The following KDM6B variants were observed in gnomAD, a reference collection of about 807,000 sequenced individuals.
KDM6B encodes the protein lysine-specific demethylase 6B.
In KDM6B, 22 loss-of-function variants were observed where a neutral mutation model predicts 150.4. The observed-to-expected ratio is 0.15, with a 90% CI of 0.10 to 0.21. The LOEUF (loss-of-function observed/expected upper bound fraction) is 0.21. Among genes scored for constraint, KDM6B ranks in the 10% least tolerant of loss-of-function variants. The pLI, the probability that KDM6B is intolerant of heterozygous loss-of-function variation, is 1.00. For synonymous variants in KDM6B, 1,148 were observed against 921.1 expected, an observed-to-expected ratio of 1.25 and a Z score of -4.46; for missense variants, 1,984 against 2,234.3, an observed-to-expected ratio of 0.89 and a Z score of 2.26.
rs1567805167 is a variant in KDM6B, at chr17:7,853,388, C to T, written c.4908+8C>T. On this transcript the variant is annotated splice_region_variant and intron_variant, in intron 23 of 23. Transcript: ENST00000448097. The stretch of plus-strand genomic sequence containing the variant: ...TACGACGCCTTCACGCTGGTGAGGG[C>T]CCGGCGGGCGCGCGGGCAGCGGAGG... 3 of 1,541,272 alleles carry T rather than the reference C, an allele frequency of 1.9e-6. No homozygotes were observed. Among genetic ancestry groups the T allele is most frequent in the Non-Finnish European group, 2.6e-6 (3 of 1,147,984 alleles).
rs1460508458 is a variant in KDM6B at position 7,845,012 on chromosome 17, G to T, written c.-157G>T. The T allele has an allele frequency of 1.0e-5, 2 of 200,882 alleles. No individual in the cohort carries two copies. Among genetic ancestry groups the T allele is most frequent in the South Asian group, 1.5e-4 (2 of 13,678 alleles). The allele number at this position is 200,882 out of a possible 1,614,324, so 12.4% of individuals were successfully genotyped here. On this transcript the variant is annotated 5_prime_UTR_variant, in exon 3 of 24. Coordinates refer to ENST00000448097, the MANE Select transcript of KDM6B (RefSeq NM_001348716.2). ...CGACGCGGTGTGAGGACGCTCCCAC[G>T]GAGGCCGGGTAAGCGGCCGCTGCGT...
rs2078610262 is a variant in KDM6B at position 7,848,391 on chromosome 17, G to A, written c.2103G>A (p.Met701Ile). The change falls in exon 12 of 24, where the codon ATG becomes ATA. Residue 701 changes from methionine to isoleucine, a missense_variant. Met to Ile is a conservative substitution (Grantham distance 10). Transcript: ENST00000448097. ...LPDGLANIMK[M>I]LDESIRKEEE... ...ATGGGCTGGCCAACATCATGAAGAT[G>A]CTGGACGAATCCATTCGCAAGGAAG... The A allele has an allele frequency of 6.2e-7, 1 of 1,612,920 alleles. No individual in the cohort carries two copies. The highest frequency in any genetic ancestry group is 8.5e-7 in the Non-Finnish European group (1 of 1,180,012).
chr17:7,851,807 C>A lies in KDM6B; in HGVS notation c.4165+11C>A, dbSNP rs367997748. 16 of 1,555,682 alleles carry A rather than the reference C, an allele frequency of 1.0e-5. No homozygotes were observed. The African/African-American group carries it at 1.6e-4, about 16-fold the overall frequency. On this transcript the variant is annotated intron_variant, in intron 18 of 23. Transcript: ENST00000448097. The stretch of plus-strand genomic sequence containing the variant: ...GCAGCCGAACGCCAGGTGCGCTCCA[C>A]GCCTGTGCGCGCTGATGCTGGAAGC...
chr17:7,835,145 C>T (rs2078307693), intron 1 of KDM6B, among the ~76,000 whole-genome samples: 1 of 152,126 alleles, frequency 6.6e-6, no homozygotes, highest in South Asian at 2.1e-4. Context: ...TGGGCCCCCT[C>T]ACAGGAAATT....
At chr17:7,837,813 T>C (rs963987745) in intron 1 of KDM6B, among the ~76,000 whole-genome samples, 1 of 152,166 alleles carries the variant, frequency 6.6e-6, no homozygotes, top group African/African-American at 2.4e-5. Context: ...ATGGTGTTAG[T>C]TACTAGTTTA....
At chr17:7,835,035 C>G (rs1362982544) in intron 1 of KDM6B, among the ~76,000 whole-genome samples, 3 of 152,022 alleles carry the variant, frequency 2.0e-5, no homozygotes, top group Non-Finnish European at 4.4e-5. Context: ...GCGAGACGCA[C>G]CCAGGGCAGG....
intron 6 of KDM6B, 50 bp downstream of exon 6, chr17:7,846,020 T>C (rs768758218): frequency 6.3e-7 from 1 of 1,599,924 alleles, no homozygotes; most frequent in Non-Finnish European, 8.5e-7. Context: ...GCTGGGGCCT[T>C]GAAAGAGTCC....
rs1197395502 is a variant in KDM6B at position 7,845,420 on chromosome 17, C to G, written c.-42C>G. ...CAGAGAGCTGGGGCAGGGGGCCGTG[C>G]CCAATCTCCAGGGCTCCTGGGGCCA... On this transcript the variant is annotated 5_prime_UTR_variant, in exon 4 of 24. Transcript: ENST00000448097. The G allele has an allele frequency of 1.8e-6, 2 of 1,128,478 alleles. No homozygotes were observed. The highest frequency in any genetic ancestry group is 2.7e-6 in the Non-Finnish European group (2 of 741,800). The allele number at this position is 1,128,478 out of a possible 1,614,324, so 69.9% of individuals were successfully genotyped here. A position where few individuals can be genotyped will look rare whatever the true frequency, so the allele number is the denominator to read the frequency against.
Position 7,851,073 on chromosome 17 carries a change from C to T in KDM6B, c.3726C>T (p.Thr1242=), listed in dbSNP as rs775917300. ...KTLVEASGEH[T]VEVRTQVQQP... ...TGGTGGAAGCGAGTGGCGAACACAC[C>T]GTGGAAGTTCGCACCCAGGTGCAGC... The change falls in exon 15 of 24, where the codon ACC becomes ACT. Residue 1242 remains threonine (T), a synonymous_variant. Coordinates refer to ENST00000448097, the MANE Select transcript of KDM6B (RefSeq NM_001348716.2). 47 of 1,613,220 alleles carry T rather than the reference C, an allele frequency of 2.9e-5. No individual in the cohort carries two copies. The highest frequency in any genetic ancestry group is 1.6e-4 in the Middle Eastern group (1 of 6,084).
rs772432064 is a variant in KDM6B, at chr17:7,848,119, C to G, written c.1831C>G (p.Pro611Ala). The G allele has an allele frequency of 6.2e-7, 1 of 1,613,080 alleles. No individual in the cohort carries two copies. Among genetic ancestry groups the G allele is most frequent in the East Asian group, 2.2e-5 (1 of 44,830 alleles). Residue 611 changes from proline (P) to alanine (A), a missense_variant, in exon 12 of 24, where the codon CCT becomes GCT. Transcript: ENST00000448097. ...PLTLALPPAP[P>A]SSCHQNTSGS... Reference sequence around the variant, plus strand: ...GACTCTTGCCCTGCCTCCAGCCCCTCCTTCCTCCTGCCACCAAAATACCTC... The same window carrying G: ...GACTCTTGCCCTGCCTCCAGCCCCTGCTTCCTCCTGCCACCAAAATACCTC...
At position 7,846,903 on chromosome 17, in the gene KDM6B, C is replaced by T; in HGVS notation, c.796C>T (p.Pro266Ser). The T allele has an allele frequency of 6.2e-7, 1 of 1,605,136 alleles. No homozygotes were observed. Among genetic ancestry groups the T allele is most frequent in the Non-Finnish European group, 8.5e-7 (1 of 1,178,348 alleles). Residue 266 changes from proline to serine, a missense_variant, in exon 10 of 24, where the codon CCT becomes TCT. Pro to Ser is a moderately conservative substitution (Grantham distance 74). Around this residue, in one of 13 missense-constraint regions of KDM6B, gnomAD observed 1,379 missense variants for 1,275.6 expected, o/e 1.08. Transcript: ENST00000448097. ...PPPPPPPPPL[P>S]GLATSPPFQL... Reference sequence around the variant, plus strand: ...ACCACCACCACCACCACCACCCCTGCCTGGCCTGGCTACCAGCCCCCCATT... The same window carrying T: ...ACCACCACCACCACCACCACCCCTGTCTGGCCTGGCTACCAGCCCCCCATT...
At chr17:7,850,266 A>G (rs2078664927) in intron 14 of KDM6B, 89 bp downstream of exon 14, 2 of 1,086,504 alleles carry the variant, frequency 1.8e-6, no homozygotes, top group East Asian at 2.6e-5. Context: ...TTGAAGACTC[A>G]TGACAGTGGC....
Position 7,844,961 on chromosome 17 carries a change from T to C in KDM6B, c.-208T>C, listed in dbSNP as rs1342545025. 5.8e-6 allele frequency: 1 copy of C among 172,708 alleles called. No homozygotes were observed. Among genetic ancestry groups the C allele is most frequent in the Non-Finnish European group, 1.3e-5 (1 of 77,770 alleles). 10.7% of individuals were successfully genotyped at this position (172,708 alleles called of 1,614,324 possible). A position where few individuals can be genotyped will look rare whatever the true frequency, so the allele number is the denominator to read the frequency against. On this transcript the variant is annotated 5_prime_UTR_variant, in exon 3 of 24. An upstream open reading frame in the 5' UTR loses its in-frame stop. Coordinates refer to ENST00000448097, the MANE Select transcript of KDM6B (RefSeq NM_001348716.2). The surrounding 1 kb of genome is among the most constrained non-coding windows in gnomAD (Gnocchi z 5.9). ...CTTTCTGGGGAGAGAGGAAGTCCTG[T>C]GATTGGCCAGATCTCTGGAGCTTGC...
At position 7,847,171 on chromosome 17, in the gene KDM6B, G is replaced by A; in HGVS notation, c.976G>A (p.Gly326Ser). 6.2e-7 allele frequency: 1 copy of A among 1,605,318 alleles called. No individual in the cohort carries two copies. Among genetic ancestry groups the A allele is most frequent in the Non-Finnish European group, 8.5e-7 (1 of 1,179,520 alleles). Residue 326 changes from glycine to serine, a missense_variant, in exon 11 of 24, where the codon GGC becomes AGC. Around this residue, in one of 13 missense-constraint regions of KDM6B, gnomAD observed 1,379 missense variants for 1,275.6 expected, o/e 1.08. Coordinates refer to ENST00000448097, the MANE Select transcript of KDM6B (RefSeq NM_001348716.2). ...PAPAYTAHPP[G>S]HRLVPAAPPG... ...TCCAGCGTACACCGCGCACCCCCCT[G>A]GCCACCGGCTGGTCCCGGCTGCTCC...
Position 7,848,815 on chromosome 17 carries a change from T to A in KDM6B, c.2527T>A (p.Ser843Thr), listed in dbSNP as rs1030869292. ...CACTCAGTATTCCCCTGGCCCCCCA[T>A]CAGGTGCTACCGCCCTGCCGCCCAC... ...PTTQYSPGPP[S>T]GATALPPTSA... The change falls in exon 12 of 24, where the codon TCA (serine) becomes ACA (threonine). Residue 843 changes from serine to threonine, a missense_variant. Transcript: ENST00000448097. The A allele has an allele frequency of 1.2e-5, 20 of 1,612,318 alleles. No individual in the cohort carries two copies. The highest frequency in any genetic ancestry group is 1.7e-5 in the Non-Finnish European group (20 of 1,179,904).
In KDM6B at chr17:7,851,348, G is replaced by A; in HGVS notation, c.3898G>A (p.Asp1300Asn). The change falls in exon 16 of 24, where the codon GAT becomes AAT. Residue 1300 changes from aspartate (D) to asparagine (N), a missense_variant. By Grantham distance (23) the Asp-to-Asn change is conservative. Transcript: ENST00000448097. Reference protein sequence around the residue: ...ESLQEEKESEDEESEEPDSTT... With the variant: ...ESLQEEKESENEESEEPDSTT... ...TGAACAGGAGGAGAAGGAGAGTGAGGATGAGGAGTCAGAGGAGCCAGACAG... is the reference window on the plus strand; with the variant it reads ...TGAACAGGAGGAGAAGGAGAGTGAGAATGAGGAGTCAGAGGAGCCAGACAG... 1 of 1,614,168 alleles carries A rather than the reference G, an allele frequency of 6.2e-7. No homozygotes were observed. Among genetic ancestry groups the A allele is most frequent in the Non-Finnish European group, 8.5e-7 (1 of 1,180,030 alleles).
chr17:7,846,737 A>G lies in KDM6B; in HGVS notation c.708A>G (p.Glu236=). 1.2e-6 allele frequency: 2 copies of G among 1,614,040 alleles called. No homozygotes were observed. The highest frequency in any genetic ancestry group is 1.7e-6 in the Non-Finnish European group (2 of 1,179,966). The change falls in exon 9 of 24, where the codon GAA becomes GAG. Residue 236 remains glutamate, a synonymous_variant. Coordinates refer to ENST00000448097, the MANE Select transcript of KDM6B (RefSeq NM_001348716.2). The part of the protein sequence containing the change: ...GGKRRRGCNS[E]QTGLPPGLPL... ...AGCGAAGGAGAGGCTGCAACTCTGA[A>G]CAGGTGTGGGTATAGGGGGGCCAGC... is the stretch of plus-strand genomic sequence containing the variant.
rs1181656791 is a variant in KDM6B, at chr17:7,854,491, C to T, written c.*970C>T. On this transcript the variant is annotated 3_prime_UTR_variant, in exon 24 of 24. Coordinates refer to ENST00000448097, the MANE Select transcript of KDM6B (RefSeq NM_001348716.2). ...GGAACCCCGTCCTTCCCAGCCCCGG[C>T]CAACTTTAAAAAACACAGACCTTCA... is the stretch of plus-strand genomic sequence containing the variant. 2 of 152,296 alleles carry T rather than the reference C, an allele frequency of 1.3e-5. No individual in the cohort carries two copies. Among genetic ancestry groups the T allele is most frequent in the Admixed American group, 1.3e-4 (2 of 15,278 alleles). The allele number at this position is 152,296 out of a possible 1,614,324, so 9.4% of individuals were successfully genotyped here.
rs760655896 is a variant in KDM6B at position 7,847,638 on chromosome 17, G to C, written c.1350G>C (p.Leu450Phe). 1 of 1,610,918 alleles carries C rather than the reference G, an allele frequency of 6.2e-7. No individual in the cohort carries two copies. The highest frequency in any genetic ancestry group is 1.1e-5 in the South Asian group (1 of 91,010). The change falls in exon 12 of 24, where the codon TTG becomes TTC. Residue 450 changes from leucine (L) to phenylalanine (F), a missense_variant. Around this residue, in one of 13 missense-constraint regions of KDM6B, gnomAD observed 1,379 missense variants for 1,275.6 expected, o/e 1.08. Transcript: ENST00000448097. ...PSAHSSRKPF[L>F]GAPAATPHLS... ...CACACAGCAGTCGGAAACCGTTCTT[G>C]GGGGCTCCCGCTGCCACTCCCCACC...
Sources: gnomAD v4.1 joint callset for allele counts (sites outside exome capture counted in the v4.1 genomes callset) on GRCh38, gnomAD v4.1.1 for gene constraint, gnomAD v4.1.1 regional missense constraint, Gnocchi (gnomAD v3.1) non-coding constraint, MANE v1.5 for transcripts, NCBI Gene and HGNC (gene_info 2026-07-23, HGNC 2026-07-21) for gene names.